The following ZNF556 variants were observed in gnomAD, a reference collection of about 807,000 sequenced individuals.
ZNF556 encodes zinc finger protein 556.
ZNF556 carries 11 observed loss-of-function variants against 13.6 expected under a neutral mutation model. That is an observed-to-expected ratio of 0.81 (90% CI 0.51 to 1.33). ZNF556 has a LOEUF of 1.33. ZNF556 is among the 40% of genes most tolerant of loss of function. The pLI is 0.00. For synonymous variants in ZNF556, 229 were observed against 207.8 expected (o/e 1.10, Z -0.88); for missense variants, 633 against 566.2 (o/e 1.12, Z -1.20).
At position 2,882,531 on chromosome 19, in the gene ZNF556, A is replaced by ATTGTGT. The variant is rs57053138; in HGVS notation, c.*4202_*4203insTTGTGT. 3.6e-4 allele frequency: 46 copies of ATTGTGT among 127,724 alleles called. No homozygotes were observed. Among genetic ancestry groups the ATTGTGT allele is most frequent in the African/African-American group, 1.3e-3 (44 of 32,990 alleles). 7.9% of individuals were successfully genotyped at this position (127,724 alleles called of 1,614,324 possible). A position where few individuals can be genotyped will look rare whatever the true frequency, so the allele number is the denominator to read the frequency against. On this transcript the variant is annotated 3_prime_UTR_variant, in exon 4 of 4. Transcript: ENST00000307635. ...ATACATTTTATATATATATATATATAGTGTGTGTGTGTGTGTGTGTGTGTG... is the reference window on the plus strand; with the variant it reads ...ATACATTTTATATATATATATATATATTGTGTGTGTGTGTGTGTGTGTGTGTGTGTG...
intron 1 of ZNF556, among the ~76,000 whole-genome samples, chr19:2,872,278 T>C (rs961889055): frequency 1.3e-4 from 20 of 151,730 alleles, no homozygotes; most frequent in African/African-American, 4.6e-4. Flanking sequence ...GTAGCGGGTG[T>C]TTTTCCTTGA....
At position 2,878,613 on chromosome 19, in the gene ZNF556, T is replaced by G; in HGVS notation, c.*284T>G. ...ACGGCGTGAACCCGGGAGGCGGAGCTTGCAGTGAGCCGAGATGGCACCACT... is the reference window on the plus strand; with the variant it reads ...ACGGCGTGAACCCGGGAGGCGGAGCGTGCAGTGAGCCGAGATGGCACCACT... On this transcript the variant is annotated 3_prime_UTR_variant, in exon 4 of 4. Transcript: ENST00000307635. 3.6e-6 allele frequency: 1 copy of G among 274,120 alleles called. No individual in the cohort carries two copies. Among genetic ancestry groups the G allele is most frequent in the Non-Finnish European group, 7.0e-6 (1 of 142,624 alleles). The allele number at this position is 274,120 out of a possible 1,614,324, so 17.0% of individuals were successfully genotyped here.
chr19:2,882,453 AT>A lies in ZNF556; in HGVS notation c.*4127del, dbSNP rs1297139027. 4 of 151,476 alleles carry A rather than the reference AT, an allele frequency of 2.6e-5. No individual in the cohort carries two copies. The highest frequency in any genetic ancestry group is 5.9e-5 in the Non-Finnish European group (4 of 67,960). The allele number at this position is 151,476 out of a possible 1,614,324, so 9.4% of individuals were successfully genotyped here. ...AAAAAAAAAAAGAGACAAAAGGTAT[AT>A]TTATGGTTCAGCCTCATTTCTGCAA... is the stretch of plus-strand genomic sequence containing the variant. On this transcript the variant is annotated 3_prime_UTR_variant, in exon 4 of 4. Coordinates refer to ENST00000307635, the MANE Select transcript of ZNF556 (RefSeq NM_024967.3).
In ZNF556 at chr19:2,877,764, GGT is replaced by G; in HGVS notation, c.809_810del (p.Cys270SerfsTer18). The G allele has an allele frequency of 2.5e-6, 4 of 1,613,562 alleles. No individual in the cohort carries two copies. The highest frequency in any genetic ancestry group is 2.5e-6 in the Non-Finnish European group (3 of 1,179,706). On this transcript the variant is annotated frameshift_variant, in exon 4 of 4. Transcript: ENST00000307635. LOFTEE classifies it low-confidence loss of function (END_TRUNC). ...TGCAAGCACTGTGGGAAAGCCTTCAGGTGTCAGAAATCCTTTCGAGTCCATAT... is the reference window on the plus strand; with the variant it reads ...TGCAAGCACTGTGGGAAAGCCTTCAGGTCAGAAATCCTTTCGAGTCCATAT...
intron 1 of ZNF556, among the ~76,000 whole-genome samples, chr19:2,871,058 A>G (rs1358603887): frequency 6.6e-6 from 1 of 151,278 alleles, no homozygotes; most frequent in Non-Finnish European, 1.5e-5. Context: ...AAAAAATTCT[A>G]AAGACTATGA....
At chr19:2,868,755 G>A (rs915631013) in intron 1 of ZNF556, among the ~76,000 whole-genome samples, 1 of 143,846 alleles carries the variant, frequency 7.0e-6, no homozygotes, top group African/African-American at 2.7e-5. Flanking sequence ...GCCTCGCTCT[G>A]TCACCCAGGC....
At chr19:2,873,713 G>GCCTCCTAAAGCACT in intron 2 of ZNF556, 91 bp downstream of exon 2, 1 of 1,468,406 alleles carries the variant, frequency 6.8e-7, no homozygotes, top group Non-Finnish European at 9.3e-7. Context: ...CAGTGCTTTA[G>GCCTCCTAAAGCACT]GAGGCTAAGG....
Position 2,877,827 on chromosome 19 carries a change from A to G in ZNF556, c.869A>G (p.Lys290Arg). 6.2e-7 allele frequency: 1 copy of G among 1,614,122 alleles called. No individual in the cohort carries two copies. The highest frequency in any genetic ancestry group is 8.5e-7 in the Non-Finnish European group (1 of 1,180,016). Residue 290 changes from lysine to arginine, a missense_variant, in exon 4 of 4, where the codon AAG becomes AGG. By Grantham distance (26) the Lys-to-Arg change is conservative (BLOSUM62 2). Coordinates refer to ENST00000307635, the MANE Select transcript of ZNF556 (RefSeq NM_024967.3). The part of the protein sequence containing the change: ...MHAGGRPYEC[K>R]QCGKAYCWAT... ...GCCGGAGGGAGACCGTATGAGTGCA[A>G]GCAGTGTGGGAAAGCCTACTGCTGG...
intron 3 of ZNF556, 113 bp from the exon 4 acceptor site, chr19:2,877,160 A>G (rs2144891959): frequency 1.2e-6 from 1 of 857,724 alleles, no homozygotes; most frequent in South Asian, 1.9e-5. Flanking sequence ...CAGTGAGCCA[A>G]GATCATGCCA....
At position 2,882,036 on chromosome 19, in the gene ZNF556, A is replaced by G. The variant is rs2087907972; in HGVS notation, c.*3707A>G. On this transcript the variant is annotated 3_prime_UTR_variant, in exon 4 of 4. Transcript: ENST00000307635. ...TGAGGGTGGAGGATGGCTTGAGACC[A>G]AGAGGTCCAGGCTGCAATGAGTTAT... The G allele has an allele frequency of 6.6e-6, 1 of 152,188 alleles. No homozygotes were observed. Among genetic ancestry groups the G allele is most frequent in the Non-Finnish European group, 1.5e-5 (1 of 68,044 alleles). 9.4% of individuals were successfully genotyped at this position (152,188 alleles called of 1,614,324 possible).
intron 2 of ZNF556, among the ~76,000 whole-genome samples, chr19:2,874,758 A>AAAGAAAG (rs1555725944): frequency 1.5e-5 from 2 of 130,734 alleles, no homozygotes; most frequent in Admixed American, 8.9e-5. Context: ...AAAAAAAAAA[A>AAAGAAAG]AAAGAAAGAA....
In ZNF556 at chr19:2,883,018, A is replaced by G. The variant is rs568612116; in HGVS notation, c.*4689A>G. 2.0e-5 allele frequency: 3 copies of G among 152,304 alleles called. No individual in the cohort carries two copies. The South Asian group carries it at 6.2e-4, about 32-fold the overall frequency. 9.4% of individuals were successfully genotyped at this position (152,304 alleles called of 1,614,324 possible). The stretch of plus-strand genomic sequence containing the variant: ...CTTTGCTGCCCCTACACACTGATGG[A>G]AAAATTGTGTTCTGCAGAAAACTAG... On this transcript the variant is annotated 3_prime_UTR_variant, in exon 4 of 4. Transcript: ENST00000307635.
In ZNF556 at chr19:2,877,265, A is replaced by AT. The variant is rs748132704; in HGVS notation, c.315-3dup. 1.3e-6 allele frequency: 2 copies of AT among 1,594,210 alleles called. No homozygotes were observed. The highest frequency in any genetic ancestry group is 1.4e-5 in the African/African-American group (1 of 73,910). The stretch of plus-strand genomic sequence containing the variant: ...ATAAACCATTAATAATGTGCTACCC[A>AT]TTTTTAGCAGAAATCCAAGGGTGGA... On this transcript the variant is annotated splice_polypyrimidine_tract_variant and splice_region_variant and intron_variant, in intron 3 of 3. Transcript: ENST00000307635.
At chr19:2,870,988 G>A (rs548288928) in intron 1 of ZNF556, among the ~76,000 whole-genome samples, 4 of 151,296 alleles carry the variant, frequency 2.6e-5, no homozygotes, top group South Asian at 2.1e-4. Flanking sequence ...GCAGTGAGCC[G>A]AGATCGCACC....
At chr19:2,872,262 T>C (rs999523730) in intron 1 of ZNF556, among the ~76,000 whole-genome samples, 1 of 152,078 alleles carries the variant, frequency 6.6e-6, no homozygotes, top group African/African-American at 2.4e-5. Flanking sequence ...TTTCCTGGTC[T>C]GCTAAGTAGC....
In ZNF556 at chr19:2,881,950, A is replaced by G. The variant is rs2087907462; in HGVS notation, c.*3621A>G. ...AGTGAGACACAGTCTCTATAAAAAG[A>G]AATTTTTAAAAGTATCTAGGCATGG... On this transcript the variant is annotated 3_prime_UTR_variant, in exon 4 of 4. Transcript: ENST00000307635. 1 of 151,726 alleles carries G rather than the reference A, an allele frequency of 6.6e-6. No homozygotes were observed. The highest frequency in any genetic ancestry group is 1.5e-5 in the Non-Finnish European group (1 of 67,934). 9.4% of individuals were successfully genotyped at this position (151,726 alleles called of 1,614,324 possible).
intron 2 of ZNF556, among the ~76,000 whole-genome samples, chr19:2,874,244 G>A (rs185658630): frequency 3.3e-5 from 5 of 152,042 alleles, no homozygotes; most frequent in African/African-American, 1.2e-4. Flanking sequence ...GCCATAGAGT[G>A]AGACTCCGTC....
At position 2,873,484 on chromosome 19, in the gene ZNF556, G is replaced by A. The variant is rs747013631; in HGVS notation, c.4-12G>A. ...ACCCCATCCTCATGTACACATATGT[G>A]GTTTGTTTTAGGACACAGTGGTCTT... On this transcript the variant is annotated splice_polypyrimidine_tract_variant and intron_variant, in intron 1 of 3. Transcript: ENST00000307635. 1 of 1,613,640 alleles carries A rather than the reference G, an allele frequency of 6.2e-7. No homozygotes were observed. Among genetic ancestry groups the A allele is most frequent in the Non-Finnish European group, 8.5e-7 (1 of 1,179,858 alleles).
rs2087918500 is a variant in ZNF556, at chr19:2,883,294, ATTT to A, written c.*4968_*4970del. 1 of 152,198 alleles carries A rather than the reference ATTT, an allele frequency of 6.6e-6. No homozygotes were observed. The highest frequency in any genetic ancestry group is 1.9e-4 in the East Asian group (1 of 5,204). 9.4% of individuals were successfully genotyped at this position (152,198 alleles called of 1,614,324 possible). ...TTTTTATTTTTTTAATTAAAAAATA[ATTT>A]TTAAGTGTAAACCTTTAATGATCCA... On this transcript the variant is annotated 3_prime_UTR_variant, in exon 4 of 4. Coordinates refer to ENST00000307635, the MANE Select transcript of ZNF556 (RefSeq NM_024967.3).
Sources: allele counts gnomAD v4.1 joint callset (sites outside exome capture counted in the v4.1 genomes callset), GRCh38; gene constraint gnomAD v4.1.1; transcripts MANE v1.5; gene names NCBI Gene and HGNC (gene_info 2026-07-23, HGNC 2026-07-21).